The following MAML2 variants were observed in gnomAD, a reference collection of about 807,000 sequenced individuals.
MAML2 encodes the protein mastermind like transcriptional coactivator 2, also known as mastermind-like protein 2.
Under a neutral mutation model 96.1 loss-of-function variants are expected in MAML2, and 22 were observed. That is an observed-to-expected ratio of 0.23 (90% CI 0.16 to 0.33). The LOEUF (loss-of-function observed/expected upper bound fraction) is 0.33. Ranked by LOEUF, MAML2 falls within the 10% of genes least tolerant of loss-of-function variation. MAML2 has a pLI of 1.00. For synonymous variants in MAML2, 561 were observed against 521.3 expected, an observed-to-expected ratio of 1.08 and a Z score of -1.04; for missense variants, 1,367 against 1,392.4, an observed-to-expected ratio of 0.98 and a Z score of 0.29.
chr11:96,098,072 A>G (rs1217067615), intron 1 of MAML2, among the ~76,000 whole-genome samples: 1 of 152,170 alleles, frequency 6.6e-6, no homozygotes, highest in Admixed American at 6.6e-5. Context: ...GCCAAGACAA[A>G]AGTCCAATAG....
At chr11:95,998,158 GTCTGTCTGTCTGTCTGTCTA>G (rs1452212191) in intron 2 of MAML2, among the ~76,000 whole-genome samples, 1 of 144,574 alleles carries the variant, frequency 6.9e-6, no homozygotes, top group African/African-American at 2.7e-5. Context: ...CTGTCTGTCT[GTCTGTCTGTCTGTCTGTCTA>G]TCTATCTATC....
intron 1 of MAML2, among the ~76,000 whole-genome samples, chr11:96,123,067 C>T (rs1451949764): frequency 6.6e-6 from 1 of 152,198 alleles, no homozygotes; most frequent in Non-Finnish European, 1.5e-5. Context: ...CTTTTGTGCA[C>T]AGGACAATCA....
chr11:96,241,940 G>A (rs557400898), intron 1 of MAML2, among the ~76,000 whole-genome samples: 2 of 152,276 alleles, frequency 1.3e-5, no homozygotes, highest in African/African-American at 4.8e-5. Flanking sequence ...GTTTTATTCA[G>A]TTCAGGGTTC....
Position 96,341,558 on chromosome 11 carries a change from G to A in MAML2, c.338C>T (p.Pro113Leu). 1 of 1,551,324 alleles carries A rather than the reference G, an allele frequency of 6.4e-7. No individual in the cohort carries two copies. The change falls in exon 1 of 5, where the codon CCT becomes CTT. Residue 113 changes from proline to leucine, a missense_variant. Physicochemically the swap from Pro to Leu is moderately conservative, Grantham distance 98. Coordinates refer to ENST00000524717, the MANE Select transcript of MAML2 (RefSeq NM_032427.4). ...TGTTGCTGCTGCTTGGGAGGCCGCAGGAGGGGCAGCAGGGGGCGGTGGAGG... is the reference window on the plus strand; with the variant it reads ...TGTTGCTGCTGCTTGGGAGGCCGCAAGAGGGGCAGCAGGGGGCGGTGGAGG... ...TAPPPPPAAP[P>L]AASQAAATAA...
At chr11:96,187,829 T>A (rs935643762) in intron 1 of MAML2, among the ~76,000 whole-genome samples, 1 of 152,120 alleles carries the variant, frequency 6.6e-6, no homozygotes, top group Non-Finnish European at 1.5e-5. Context: ...CTGTCGTGTT[T>A]AGGAATGTCC....
At chr11:96,322,797 T>C (rs1041499385) in intron 1 of MAML2, among the ~76,000 whole-genome samples, 3 of 152,252 alleles carry the variant, frequency 2.0e-5, no homozygotes, top group Admixed American at 6.5e-5. Context: ...GTTTGCTTTC[T>C]CTTCAGATTC....
rs1015622903 is a variant in MAML2 at position 96,076,446 on chromosome 11, A to T, written c.2139+15446T>A. ...CTCTCTCTCTCTCACACACACACAC[A>T]CACACACACACACACACACACACAC... On this transcript the variant is annotated intron_variant, in intron 2 of 4. Transcript: ENST00000524717. 3.5e-4 allele frequency among the ~76,000 whole-genome samples: 52 copies of T among 148,516 alleles called. No homozygotes were observed. In the East Asian group the frequency reaches 5.1e-3, roughly 15 times the overall value.
intron 1 of MAML2, among the ~76,000 whole-genome samples, chr11:96,189,813 C>T (rs1040720910): frequency 6.6e-6 from 1 of 152,162 alleles, no homozygotes; most frequent in African/African-American, 2.4e-5. Context: ...GAGGAAATAG[C>T]TTTAAAAACT....
At position 96,106,798 on chromosome 11, in the gene MAML2, C is replaced by T. The variant is rs532756534; in HGVS notation, c.514-13281G>A. Among the ~76,000 whole-genome samples, 9 of 151,964 alleles carry T rather than the reference C, an allele frequency of 5.9e-5. No individual in the cohort carries two copies. In the South Asian group the frequency reaches 1.7e-3, roughly 28 times the overall value. Reference sequence around the variant, plus strand: ...ATCCAAGATGTCAGCAGGATTGATGCCACTGGGACTTAACTCCCCCCTACC... The same window carrying T: ...ATCCAAGATGTCAGCAGGATTGATGTCACTGGGACTTAACTCCCCCCTACC... On this transcript the variant is annotated intron_variant, in intron 1 of 4. Transcript: ENST00000524717.
At chr11:96,050,597 T>C (rs1380109650) in intron 2 of MAML2, among the ~76,000 whole-genome samples, 1 of 152,248 alleles carries the variant, frequency 6.6e-6, no homozygotes, top group Non-Finnish European at 1.5e-5. Flanking sequence ...GTGTCAACTA[T>C]GTTACTAGGC....
chr11:96,219,371 G>A (rs923589856), intron 1 of MAML2, among the ~76,000 whole-genome samples: 57 of 152,070 alleles, frequency 3.7e-4, no homozygotes, highest in Admixed American at 3.2e-3. Flanking sequence ...AGATCACCTC[G>A]GGCATGAGTT....
intron 1 of MAML2, among the ~76,000 whole-genome samples, chr11:96,179,043 T>C (rs1861441298): frequency 6.6e-6 from 1 of 152,194 alleles, no homozygotes; most frequent in Non-Finnish European, 1.5e-5. Context: ...AAAGGGTTCA[T>C]CTGCTTTTGT....
Position 96,091,811 on chromosome 11 carries a change from C to T in MAML2, c.2139+81G>A, listed in dbSNP as rs562801477. 7.3e-5 allele frequency: 110 copies of T among 1,511,762 alleles called. 1 individual carries two copies. In the African/African-American group the frequency reaches 1.3e-3, roughly 18 times the overall value. 93.6% of individuals were successfully genotyped at this position (1,511,762 alleles called of 1,614,324 possible). A position where few individuals can be genotyped will look rare whatever the true frequency, so the allele number is the denominator to read the frequency against. Reference sequence around the variant, plus strand: ...CTTTGGTCTTGATCTTGTCCCAATACAAACATAATGGTAACCACAGCATAA... The same window carrying T: ...CTTTGGTCTTGATCTTGTCCCAATATAAACATAATGGTAACCACAGCATAA... On this transcript the variant is annotated intron_variant, in intron 2 of 4. Coordinates refer to ENST00000524717, the MANE Select transcript of MAML2 (RefSeq NM_032427.4).
At chr11:96,205,749 G>T (rs538930178) in intron 1 of MAML2, among the ~76,000 whole-genome samples, 3 of 152,172 alleles carry the variant, frequency 2.0e-5, no homozygotes, top group Non-Finnish European at 4.4e-5. Context: ...GAGGTTGCCT[G>T]GCCATCGGAA....
chr11:96,078,528 G>T (rs1408933969), intron 2 of MAML2, among the ~76,000 whole-genome samples: 1 of 152,192 alleles, frequency 6.6e-6, no homozygotes, highest in Admixed American at 6.5e-5. Flanking sequence ...TCAGAGAGCA[G>T]GTATCTACTG....
chr11:96,141,437 G>T (rs1008272983), intron 1 of MAML2, among the ~76,000 whole-genome samples: 2 of 152,050 alleles, frequency 1.3e-5, no homozygotes, highest in African/African-American at 4.8e-5. Flanking sequence ...CTACGTAAGA[G>T]GCCCCAGCTA....
intron 2 of MAML2, among the ~76,000 whole-genome samples, chr11:96,032,010 TAAAA>T (rs1314727118): frequency 6.6e-6 from 1 of 151,722 alleles, no homozygotes; most frequent in Non-Finnish European, 1.5e-5. Context: ...TAAAAATAAA[TAAAA>T]AATTACCCGT....
intron 2 of MAML2, among the ~76,000 whole-genome samples, chr11:96,065,442 C>CACACAG (rs1491235622): frequency 4.1e-5 from 6 of 145,284 alleles, no homozygotes; most frequent in African/African-American, 1.5e-4. Flanking sequence ...CACACACACA[C>CACACAG]AGGAAAGAAA....
intron 1 of MAML2, among the ~76,000 whole-genome samples, chr11:96,106,764 T>C (rs1860027921): frequency 6.6e-6 from 1 of 152,138 alleles, no homozygotes; most frequent in Non-Finnish European, 1.5e-5. Context: ...GCCTTGTAAA[T>C]TGCTTTTAAT....
Sources: gnomAD v4.1 joint callset for allele counts (sites outside exome capture counted in the v4.1 genomes callset) on GRCh38, gnomAD v4.1.1 for gene constraint, MANE v1.5 for transcripts, NCBI Gene and HGNC (gene_info 2026-07-23, HGNC 2026-07-21) for gene names.